TBC1D1: variants seen among roughly 807,000 people sequenced by gnomAD.
TBC1D1 encodes the protein TBC1 (tre-2/USP6, BUB2, cdc16) domain family, member 1.
A neutral mutation model predicts 125.6 loss-of-function variants in TBC1D1; 89 were observed. The observed-to-expected ratio is 0.71, with a 90% CI of 0.60 to 0.85. TBC1D1 has a LOEUF of 0.85. Among genes scored for constraint, TBC1D1 ranks in the 40% least tolerant of loss-of-function variants. TBC1D1 has a pLI of 0.00. For missense variants in TBC1D1, 1,377 were observed against 1,469.2 expected (o/e 0.94, Z 1.03); for synonymous variants, 565 against 564.1 (o/e 1.00, Z -0.02).
intron 18 of TBC1D1, among the ~76,000 whole-genome samples, chr4:38,129,573 C>T (rs1224321893): frequency 1.3e-5 from 2 of 152,068 alleles, no homozygotes; most frequent in African/African-American, 2.4e-5. Flanking sequence ...GACAATGGGA[C>T]CAGCAGATTG....
At chr4:38,135,924 A>ATGTG (rs57275262) in intron 19 of TBC1D1, among the ~76,000 whole-genome samples, 27,434 of 144,936 alleles carry the variant, frequency 0.19, 2,776 homozygotes, top group Admixed American at 0.27. Context: ...GTGTGTGTAT[A>ATGTG]TGTGTGTGTG....
At chr4:38,030,876 A>T (rs1483864243) in intron 7 of TBC1D1, among the ~76,000 whole-genome samples, 1 of 152,106 alleles carries the variant, frequency 6.6e-6, no homozygotes, top group African/African-American at 2.4e-5. Flanking sequence ...AATGAATATT[A>T]AATCAAAAAA....
At position 38,084,606 on chromosome 4, in the gene TBC1D1, A is replaced by T. The variant is rs534264434; in HGVS notation, c.2051-5326A>T. ...CTGTTCGTAACAACAGACGCTGCAG[A>T]TGTTAATCCCGTTGTTGTTAACTTT... On this transcript the variant is annotated intron_variant, in intron 12 of 19. Coordinates refer to ENST00000261439, the MANE Select transcript of TBC1D1 (RefSeq NM_015173.4). Among the ~76,000 whole-genome samples, 4 of 152,240 alleles carry T rather than the reference A, an allele frequency of 2.6e-5. No homozygotes were observed. The East Asian group carries it at 7.7e-4, about 29-fold the overall frequency.
chr4:37,921,128 AAAAAAAG>A (rs1302716000), intron 2 of TBC1D1, among the ~76,000 whole-genome samples: 9 of 150,698 alleles, frequency 6.0e-5, no homozygotes, highest in African/African-American at 2.2e-4. Flanking sequence ...AAAAAAAAAA[AAAAAAAG>A]AATGGAGACA....
At chr4:37,891,542 C>G (rs1033808149) in intron 1 of TBC1D1, among the ~76,000 whole-genome samples, 194 bp downstream of exon 1, 1 of 140,322 alleles carries the variant, frequency 7.1e-6, no homozygotes, top group Admixed American at 7.1e-5. Context: ...CTTACCCCCC[C>G]ACCCCCGCCG....
At chr4:37,899,144 CG>C (rs1395773312) in intron 1 of TBC1D1, among the ~76,000 whole-genome samples, 1 of 151,320 alleles carries the variant, frequency 6.6e-6, no homozygotes, top group South Asian at 2.1e-4. Context: ...TTCTCTAGGA[CG>C]AAAAAGAAAG....
chr4:37,979,835 A>G (rs974856673), intron 2 of TBC1D1, among the ~76,000 whole-genome samples: 3 of 152,176 alleles, frequency 2.0e-5, no homozygotes, highest in Admixed American at 1.3e-4. Flanking sequence ...GCTGGAGTGC[A>G]ATGGCACAAT....
intron 13 of TBC1D1, among the ~76,000 whole-genome samples, chr4:38,092,026 C>A (rs865954900): frequency 1.1e-3 from 166 of 152,252 alleles, no homozygotes; most frequent in African/African-American, 3.7e-3. Context: ...AAGTATTAAT[C>A]CATTGTATTA....
intron 2 of TBC1D1, among the ~76,000 whole-genome samples, chr4:37,967,416 G>C (rs1239875906): frequency 6.6e-6 from 1 of 151,574 alleles, no homozygotes; most frequent in Non-Finnish European, 1.5e-5. Context: ...AATCGCTTGA[G>C]CCTGGGAGGC....
chr4:38,087,866 A>G (rs904344466), intron 12 of TBC1D1, among the ~76,000 whole-genome samples: 8 of 149,030 alleles, frequency 5.4e-5, no homozygotes, highest in South Asian at 4.3e-4. Flanking sequence ...AAAAAAAGAA[A>G]AAAAAAAAAA....
At chr4:38,035,288 T>G (rs1256245814) in intron 7 of TBC1D1, among the ~76,000 whole-genome samples, 2 of 152,232 alleles carry the variant, frequency 1.3e-5, no homozygotes, top group African/African-American at 4.8e-5. Flanking sequence ...GGATTTTGTG[T>G]TTTTCCTCTT....
At chr4:37,952,988 T>C (rs573455177) in intron 2 of TBC1D1, among the ~76,000 whole-genome samples, 2 of 152,328 alleles carry the variant, frequency 1.3e-5, no homozygotes, top group South Asian at 2.1e-4. Context: ...TGTGCACGGC[T>C]AGATGTGCTG....
At chr4:37,931,570 CG>C (rs1723265757) in intron 2 of TBC1D1, among the ~76,000 whole-genome samples, 1 of 151,940 alleles carries the variant, frequency 6.6e-6, no homozygotes, top group Non-Finnish European at 1.5e-5. Context: ...CTCCGCCTCC[CG>C]GGTTCAAGCG....
intron 2 of TBC1D1, among the ~76,000 whole-genome samples, chr4:37,913,003 C>T (rs1718937443): frequency 6.6e-6 from 1 of 152,158 alleles, no homozygotes; most frequent in Non-Finnish European, 1.5e-5. Context: ...GGATGAGAGA[C>T]AGATGAGGGA....
chr4:37,976,383 A>G (rs1387843759), intron 2 of TBC1D1, among the ~76,000 whole-genome samples: 1 of 152,254 alleles, frequency 6.6e-6, no homozygotes, highest in Non-Finnish European at 1.5e-5. Context: ...TCTGACCCAC[A>G]GAAGTTGTTT....
intron 2 of TBC1D1, among the ~76,000 whole-genome samples, chr4:38,000,172 G>GTAATA (rs1029495073): frequency 1.4e-4 from 22 of 152,112 alleles, no homozygotes; most frequent in African/African-American, 5.1e-4. Flanking sequence ...ATTCATATAT[G>GTAATA]CAATACATAT....
In TBC1D1 at chr4:37,935,828, T is replaced by C. The variant is rs901116575; in HGVS notation, c.417+33316T>C. Among the ~76,000 whole-genome samples the C allele has an allele frequency of 2.0e-4, 31 of 152,178 alleles. 1 individual carries two copies. The highest frequency in any genetic ancestry group is 2.0e-3 in the Admixed American group (30 of 15,276). On this transcript the variant is annotated intron_variant, in intron 2 of 19. Coordinates refer to ENST00000261439, the MANE Select transcript of TBC1D1 (RefSeq NM_015173.4). Reference sequence around the variant, plus strand: ...ACCCCTCCCAATGGCTTACATCTCCTGGCCCCACCATCCTGAACCCCTGCC... The same window carrying C: ...ACCCCTCCCAATGGCTTACATCTCCCGGCCCCACCATCCTGAACCCCTGCC...
chr4:38,074,919 C>G (rs1755322598), intron 12 of TBC1D1, among the ~76,000 whole-genome samples: 1 of 152,116 alleles, frequency 6.6e-6, no homozygotes, highest in Non-Finnish European at 1.5e-5. Flanking sequence ...CGCCACCATA[C>G]TTGGCTAATT....
chr4:37,934,014 G>A (rs145830812), intron 2 of TBC1D1, among the ~76,000 whole-genome samples: 2 of 152,314 alleles, frequency 1.3e-5, no homozygotes, highest in Non-Finnish European at 2.9e-5. Flanking sequence ...CACCTGTATT[G>A]CATATGTTCA....
Sources: allele counts gnomAD v4.1 joint callset (sites outside exome capture counted in the v4.1 genomes callset), GRCh38; gene constraint gnomAD v4.1.1; transcripts MANE v1.5; gene names NCBI Gene and HGNC (gene_info 2026-07-23, HGNC 2026-07-21).